Variants in RCSD1 observed in about 807,000 individuals in gnomAD.
The protein encoded by RCSD1 is RCSD domain containing 1, also known as capZ-interacting protein.
In RCSD1, 26 loss-of-function variants were observed where a neutral mutation model predicts 42.5. The ratio of observed to expected loss-of-function variants is 0.61; its 90% CI spans 0.45 to 0.85. RCSD1 has a LOEUF of 0.85. RCSD1 is among the 40% of genes least tolerant of loss of function. The pLI is 0.00. For synonymous variants in RCSD1, 220 were observed against 212.2 expected, an observed-to-expected ratio of 1.04 and a Z score of -0.32; for missense variants, 571 against 528.3, an observed-to-expected ratio of 1.08 and a Z score of -0.79.
At chr1:167,634,489 C>T (rs1657782502) in intron 1 of RCSD1, among the ~76,000 whole-genome samples, 1 of 152,174 alleles carries the variant, frequency 6.6e-6, no homozygotes, top group African/African-American at 2.4e-5. Flanking sequence ...ATGTGATTCT[C>T]CTCTAGAAGA....
chr1:167,686,617 A>G (rs1046945232), intron 3 of RCSD1, among the ~76,000 whole-genome samples: 3 of 152,222 alleles, frequency 2.0e-5, no homozygotes, highest in East Asian at 1.9e-4. Context: ...CTTGGATGAG[A>G]ACCCCAAGGA....
intron 4 of RCSD1, among the ~76,000 whole-genome samples, chr1:167,691,754 TG>T (rs1356694596): frequency 6.6e-6 from 1 of 152,124 alleles, no homozygotes; most frequent in Non-Finnish European, 1.5e-5. Flanking sequence ...CTGTGGAGGG[TG>T]GGGAGGGCTC....
At chr1:167,702,504 C>T (rs557326600) in intron 6 of RCSD1, among the ~76,000 whole-genome samples, 4 of 152,182 alleles carry the variant, frequency 2.6e-5, no homozygotes, top group Admixed American at 6.5e-5. Flanking sequence ...GTTATCTGGG[C>T]GTGGTGGCTC....
intron 1 of RCSD1, among the ~76,000 whole-genome samples, chr1:167,646,421 A>G (rs1382794436): frequency 6.9e-6 from 1 of 144,286 alleles, no homozygotes; most frequent in Non-Finnish European, 1.5e-5. Context: ...TGGGAGTTAT[A>G]GCCGACCATA....
At chr1:167,682,172 C>CTTT (rs375451420) in intron 1 of RCSD1, among the ~76,000 whole-genome samples, 3,222 of 140,480 alleles carry the variant, frequency 0.023, 149 homozygotes, top group African/African-American at 0.082. Flanking sequence ...TAAACGAAGC[C>CTTT]TTTTTTTTTT....
At chr1:167,656,499 A>T (rs1658429099) in intron 1 of RCSD1, among the ~76,000 whole-genome samples, 1 of 152,230 alleles carries the variant, frequency 6.6e-6, no homozygotes, top group African/African-American at 2.4e-5. Flanking sequence ...AAATTTTTAA[A>T]ATCAATAGAT....
intron 1 of RCSD1, among the ~76,000 whole-genome samples, chr1:167,645,938 T>C (rs1340796486): frequency 1.3e-5 from 2 of 151,994 alleles, no homozygotes; most frequent in Admixed American, 6.6e-5. Context: ...GAAGGAGCAC[T>C]GGAGGGCCAT....
At position 167,704,868 on chromosome 1, in the gene RCSD1, T is replaced by G; in HGVS notation, c.*172T>G. Reference sequence around the variant, plus strand: ...TATTTCCTGGCCTCCACACCAAACGTTCCCTTGCAGATGGAGACTGAATCT... The same window carrying G: ...TATTTCCTGGCCTCCACACCAAACGGTCCCTTGCAGATGGAGACTGAATCT... On this transcript the variant is annotated 3_prime_UTR_variant, in exon 7 of 7. Transcript: ENST00000367854. 1 of 592,432 alleles carries G rather than the reference T, an allele frequency of 1.7e-6. No homozygotes were observed. Among genetic ancestry groups the G allele is most frequent in the Non-Finnish European group, 3.0e-6 (1 of 329,592 alleles). 36.7% of individuals were successfully genotyped at this position (592,432 alleles called of 1,614,324 possible).
chr1:167,698,161 G>T (rs1254822933), intron 6 of RCSD1, among the ~76,000 whole-genome samples: 1 of 152,220 alleles, frequency 6.6e-6, no homozygotes, highest in Non-Finnish European at 1.5e-5. Flanking sequence ...ATCTATGGAA[G>T]CCTGCTGAGT....
At position 167,630,326 on chromosome 1, in the gene RCSD1, G is replaced by C. The variant is rs1657662789; in HGVS notation, c.-98G>C. ...ACTCGCCCTGTGCCCGCCGCAGCCC[G>C]AAACTGGCCACGGCCGGGAGCGGAG... is the stretch of plus-strand genomic sequence containing the variant. On this transcript the variant is annotated 5_prime_UTR_variant, in exon 1 of 7. Transcript: ENST00000367854. 1 of 1,274,350 alleles carries C rather than the reference G, an allele frequency of 7.8e-7. No homozygotes were observed. Among genetic ancestry groups the C allele is most frequent in the South Asian group, 2.6e-5 (1 of 38,422 alleles). 78.9% of individuals were successfully genotyped at this position (1,274,350 alleles called of 1,614,324 possible).
chr1:167,656,944 G>A (rs1003842341), intron 1 of RCSD1, among the ~76,000 whole-genome samples: 1 of 152,176 alleles, frequency 6.6e-6, no homozygotes, highest in Non-Finnish European at 1.5e-5. Context: ...TTCATAGAAG[G>A]GAGGATAGCT....
chr1:167,648,392 A>G (rs994822790), intron 1 of RCSD1, among the ~76,000 whole-genome samples: 9 of 152,228 alleles, frequency 5.9e-5, no homozygotes, highest in African/African-American at 1.9e-4. Flanking sequence ...AGCATTGCCA[A>G]ATCAGCCCTG....
chr1:167,701,622 A>G (rs906422640), intron 6 of RCSD1, among the ~76,000 whole-genome samples: 10 of 152,122 alleles, frequency 6.6e-5, no homozygotes, highest in African/African-American at 2.4e-4. Flanking sequence ...AGAGAGAGAA[A>G]GAAACCAAGG....
At chr1:167,649,228 A>G (rs1658243329) in intron 1 of RCSD1, among the ~76,000 whole-genome samples, 1 of 152,116 alleles carries the variant, frequency 6.6e-6, no homozygotes, top group Non-Finnish European at 1.5e-5. Context: ...TGGAGGAAGT[A>G]GCGTGAAAGA....
intron 3 of RCSD1, 90 bp downstream of exon 3, chr1:167,685,600 A>C: frequency 9.9e-6 from 10 of 1,005,302 alleles, no homozygotes; most frequent in Non-Finnish European, 1.6e-5. Flanking sequence ...CACCAAACTC[A>C]TACTTTAAAG....
At chr1:167,650,886 G>A (rs1255622359) in intron 1 of RCSD1, among the ~76,000 whole-genome samples, 9 of 152,284 alleles carry the variant, frequency 5.9e-5, no homozygotes, top group African/African-American at 1.2e-4. Context: ...GTTCGGTAGC[G>A]CTGCTGTAAC....
intron 1 of RCSD1, among the ~76,000 whole-genome samples, chr1:167,645,944 G>A (rs143834084): frequency 6.6e-6 from 1 of 152,256 alleles, no homozygotes; most frequent in Non-Finnish European, 1.5e-5. Context: ...GCACTGGAGG[G>A]CCATTAATTA....
At chr1:167,630,731 A>AAAAAAAAAAT in intron 1 of RCSD1, 1 of 239,674 alleles carries the variant, frequency 4.2e-6, no homozygotes, top group South Asian at 1.8e-4. Context: ...TAAAAAAAAA[A>AAAAAAAAAAT]AAAAAAAAAA....
chr1:167,704,142 C>G (rs1387441365), intron 6 of RCSD1, among the ~76,000 whole-genome samples: 1 of 152,170 alleles, frequency 6.6e-6, no homozygotes, highest in African/African-American at 2.4e-5. Context: ...GAATAAATAG[C>G]TACTTTACTG....
Sources: gnomAD v4.1 joint callset for allele counts (sites outside exome capture counted in the v4.1 genomes callset) on GRCh38, gnomAD v4.1.1 for gene constraint, MANE v1.5 for transcripts, NCBI Gene and HGNC (gene_info 2026-07-23, HGNC 2026-07-21) for gene names.